SH3BP5: variants seen among roughly 807,000 people sequenced by gnomAD.
SH3BP5 encodes the protein SH3 domain-binding protein 5.
In SH3BP5, 22 loss-of-function variants were observed where a neutral mutation model predicts 43.3. The observed-to-expected ratio is 0.51, with a 90% CI of 0.36 to 0.73. The LOEUF (loss-of-function observed/expected upper bound fraction) is 0.73. Ranked by LOEUF, SH3BP5 falls within the 30% of genes least tolerant of loss-of-function variation. The pLI is 0.00. For missense variants in SH3BP5, 529 were observed against 586.9 expected, an observed-to-expected ratio of 0.90 and a Z score of 1.02; for synonymous variants, 255 against 225.8, an observed-to-expected ratio of 1.13 and a Z score of -1.16.
At chr3:15,298,412 T>C (rs1411166697) in intron 3 of SH3BP5, among the ~76,000 whole-genome samples, 1 of 152,238 alleles carries the variant, frequency 6.6e-6, no homozygotes, top group Non-Finnish European at 1.5e-5. Flanking sequence ...AAGGAGGTTA[T>C]ATGTAAGACA....
intron 3 of SH3BP5, among the ~76,000 whole-genome samples, chr3:15,303,709 AAAGAAG>A (rs929608564): frequency 6.6e-6 from 1 of 152,182 alleles, no homozygotes; most frequent in Non-Finnish European, 1.5e-5. Context: ...AAAAAAAGAA[AAAGAAG>A]AAGAACCGAT....
At chr3:15,326,609 C>T (rs1463400501) in intron 2 of SH3BP5, among the ~76,000 whole-genome samples, 3 of 152,162 alleles carry the variant, frequency 2.0e-5, no homozygotes, top group Non-Finnish European at 4.4e-5. Context: ...TATATGTAAC[C>T]CCAAAATCAA....
chr3:15,263,357 C>T (rs939699644), intron 4 of SH3BP5, among the ~76,000 whole-genome samples: 7 of 152,106 alleles, frequency 4.6e-5, no homozygotes, highest in South Asian at 2.1e-4. Context: ...AACTAGGCAT[C>T]GTGCCAGGCA....
upstream of SH3BP5, among the ~76,000 whole-genome samples, chr3:15,333,667 G>GT (rs1273446420): frequency 6.6e-6 from 1 of 152,132 alleles, no homozygotes; most frequent in Admixed American, 6.5e-5. Flanking sequence ...GCTCCTGGTG[G>GT]TTTTATCAGA....
chr3:15,273,157 A>C, intron 3 of SH3BP5: 2 of 985,434 alleles, frequency 2.0e-6, no homozygotes, highest in Non-Finnish European at 2.4e-6. Context: ...GATGAATCCC[A>C]CAGGATCCTA....
intron 2 of SH3BP5, among the ~76,000 whole-genome samples, chr3:15,306,298 G>A (rs1160961500): frequency 6.6e-6 from 1 of 152,186 alleles, no homozygotes; most frequent in Admixed American, 6.5e-5. Context: ...GGCGGAGCTT[G>A]CAGTGAGCTA....
chr3:15,270,989 T>C (rs1358437921), intron 3 of SH3BP5, among the ~76,000 whole-genome samples: 2 of 151,106 alleles, frequency 1.3e-5, no homozygotes, highest in East Asian at 1.9e-4. Flanking sequence ...CTTAAAGACT[T>C]AGTACAAAAA....
At chr3:15,281,374 C>G (rs1157256939) in intron 3 of SH3BP5, among the ~76,000 whole-genome samples, 3 of 152,136 alleles carry the variant, frequency 2.0e-5, no homozygotes, top group African/African-American at 7.2e-5. Flanking sequence ...TCAAGAGAAC[C>G]AGGAAGAGCA....
chr3:15,330,480 G>T, intron 2 of SH3BP5, 24 bp downstream of exon 2: 1 of 1,600,540 alleles, frequency 6.2e-7, no homozygotes, highest in South Asian at 1.1e-5. Context: ...ACTTCACCAA[G>T]AACAGGAACT....
At chr3:15,282,002 C>T (rs769687856) in intron 3 of SH3BP5, among the ~76,000 whole-genome samples, 4 of 152,028 alleles carry the variant, frequency 2.6e-5, no homozygotes, top group Admixed American at 6.6e-5. Context: ...GAGCGAAACA[C>T]GGTCCCCTCC....
At chr3:15,337,084 G>GTTTTTTTTTTTTTTTTTTT (rs374056927), upstream of SH3BP5, among the ~76,000 whole-genome samples, 1 of 100,112 alleles carries the variant, frequency 1.0e-5, no homozygotes, top group African/African-American at 4.0e-5. Context: ...TTTTAGTTTA[G>GTTTTTTTTTTTTTTTTTTT]TTTTTTTTTT....
intron 2 of SH3BP5, among the ~76,000 whole-genome samples, chr3:15,329,185 ATACGTTGCACATGGC>A (rs1235225041): frequency 6.6e-6 from 1 of 152,160 alleles, no homozygotes; most frequent in Non-Finnish European, 1.5e-5. Context: ...TCAAATAGCC[ATACGTTGCACATGGC>A]TACCATATGG....
At chr3:15,259,158 A>T in intron 6 of SH3BP5, 108 bp from the exon 7 acceptor site, 1 of 879,700 alleles carries the variant, frequency 1.1e-6, no homozygotes, top group Admixed American at 2.3e-5. Flanking sequence ...ACTTCAAGGA[A>T]TTTTCCAAGA....
At chr3:15,288,457 C>T (rs73146056) in intron 3 of SH3BP5, among the ~76,000 whole-genome samples, 3,308 of 152,202 alleles carry the variant, frequency 0.022, 110 homozygotes, top group African/African-American at 0.075. Flanking sequence ...GCAGGAAGAC[C>T]GGTTGAAAGG....
At chr3:15,317,557 T>C (rs1698215388) in intron 2 of SH3BP5, among the ~76,000 whole-genome samples, 2 of 152,192 alleles carry the variant, frequency 1.3e-5, no homozygotes, top group South Asian at 4.1e-4. Flanking sequence ...TAGAGGACTT[T>C]CATTTTTCAT....
chr3:15,313,782 T>G (rs543563226), intron 2 of SH3BP5, among the ~76,000 whole-genome samples: 2 of 152,314 alleles, frequency 1.3e-5, no homozygotes, highest in South Asian at 4.1e-4. Flanking sequence ...GAAATGTGGC[T>G]GGTGCAACTG....
chr3:15,294,330 T>TGTGTGTGTGTGTGC (rs565464561), intron 3 of SH3BP5, among the ~76,000 whole-genome samples: 3 of 121,506 alleles, frequency 2.5e-5, no homozygotes, highest in African/African-American at 4.0e-5. Context: ...TGTGTGTGTG[T>TGTGTGTGTGTGTGC]GCGCGCGCAT....
At chr3:15,276,375 G>T (rs1696968831) in intron 3 of SH3BP5, among the ~76,000 whole-genome samples, 1 of 152,136 alleles carries the variant, frequency 6.6e-6, no homozygotes. Flanking sequence ...GCTGTTTAGT[G>T]GCCCCCCAGA....
chr3:15,295,858 A>G (rs949219978), intron 3 of SH3BP5, among the ~76,000 whole-genome samples: 3 of 152,246 alleles, frequency 2.0e-5, no homozygotes, highest in African/African-American at 7.2e-5. Flanking sequence ...TGAGGCTAAG[A>G]GCCAAAGAAG....
Sources: gnomAD v4.1 joint callset for allele counts (sites outside exome capture counted in the v4.1 genomes callset) on GRCh38, gnomAD v4.1.1 for gene constraint, MANE v1.5 for transcripts, NCBI Gene and HGNC (gene_info 2026-07-23, HGNC 2026-07-21) for gene names.